MECOM: variants seen among roughly 807,000 people sequenced by gnomAD.
MECOM encodes MDS1 and EVI1 complex locus.
A neutral mutation model predicts 116.3 loss-of-function variants in MECOM; 13 were observed. The ratio of observed to expected loss-of-function variants is 0.11; its 90% CI spans 0.07 to 0.18. MECOM has a LOEUF of 0.18. Ranked by LOEUF, MECOM falls within the 10% of genes least tolerant of loss-of-function variation. The pLI is 1.00. For synonymous variants in MECOM, 528 were observed against 535.2 expected (o/e 0.99, Z 0.19); for missense variants, 1,299 against 1,509.0 (o/e 0.86, Z 2.31).
At chr3:169,477,132 TATATATATATATATATACAC>T (rs1560327069) in intron 1 of MECOM, 1,157 of 96,736 alleles carry the variant, frequency 0.012, 47 homozygotes, top group African/African-American at 0.051. Context: ...TATATATATA[TATATATATATATATATACAC>T]ACACACACAA....
intron 2 of MECOM, among the ~76,000 whole-genome samples, chr3:169,239,374 A>C (rs1373892235): frequency 6.6e-6 from 1 of 152,062 alleles, no homozygotes; most frequent in Non-Finnish European, 1.5e-5. Context: ...AAAATATAAA[A>C]GAAAATTAAA....
rs142161438 is a variant in MECOM at position 169,209,796 on chromosome 3, C to T, written c.376-65964G>A. Among the ~76,000 whole-genome samples, 1,274 of 152,182 alleles carry T rather than the reference C, an allele frequency of 8.4e-3. 24 individuals carry two copies. The highest frequency in any genetic ancestry group is 0.029 in the African/African-American group (1,202 of 41,530). Reference sequence around the variant, plus strand: ...GTAATCATCGTGGAAGACAGTGTGGCGATTCCTCAAGTATCTAGAACCAGA... The same window carrying T: ...GTAATCATCGTGGAAGACAGTGTGGTGATTCCTCAAGTATCTAGAACCAGA... On this transcript the variant is annotated intron_variant, in intron 2 of 16. Transcript: ENST00000651503.
chr3:169,387,397 T>A (rs1043206701), intron 1 of MECOM, among the ~76,000 whole-genome samples: 1 of 152,244 alleles, frequency 6.6e-6, no homozygotes, highest in African/African-American at 2.4e-5. Flanking sequence ...TTTATATAAC[T>A]CACCATTTGT....
At chr3:169,398,585 C>T (rs1735372814) in intron 1 of MECOM, among the ~76,000 whole-genome samples, 1 of 152,130 alleles carries the variant, frequency 6.6e-6, no homozygotes, top group Non-Finnish European at 1.5e-5. Context: ...TCAATGTGCC[C>T]ATCTATTTTG....
intron 1 of MECOM, among the ~76,000 whole-genome samples, chr3:169,649,709 A>G (rs1774644491): frequency 6.6e-6 from 1 of 152,208 alleles, no homozygotes; most frequent in Admixed American, 6.5e-5. Context: ...TTAATAGAGT[A>G]ATGCCCTCAT....
intron 2 of MECOM, among the ~76,000 whole-genome samples, chr3:169,379,340 A>T (rs1732016336): frequency 6.6e-6 from 1 of 152,200 alleles, no homozygotes; most frequent in South Asian, 2.1e-4. Context: ...TGAATTGGCC[A>T]TCAACTGAAT....
At chr3:169,565,376 A>G (rs1271486394) in intron 1 of MECOM, among the ~76,000 whole-genome samples, 1 of 152,186 alleles carries the variant, frequency 6.6e-6, no homozygotes, top group East Asian at 1.9e-4. Context: ...GGGTGAACCA[A>G]GTAACTTCAC....
intron 1 of MECOM, among the ~76,000 whole-genome samples, chr3:169,589,252 C>T (rs1398222697): frequency 6.6e-6 from 1 of 151,944 alleles, no homozygotes. Flanking sequence ...GAGAAGAAGG[C>T]CCCAGGATAT....
chr3:169,163,751 T>C (rs867458562), intron 2 of MECOM, among the ~76,000 whole-genome samples: 4 of 152,178 alleles, frequency 2.6e-5, no homozygotes, highest in Non-Finnish European at 5.9e-5. Flanking sequence ...TCTGTTAAGA[T>C]GCCAAAGATA....
intron 2 of MECOM, among the ~76,000 whole-genome samples, chr3:169,306,411 G>A (rs902750456): frequency 1.3e-5 from 2 of 152,234 alleles, no homozygotes; most frequent in Admixed American, 6.5e-5. Context: ...GCTGGGCTCA[G>A]TGGCTCACTC....
At chr3:169,610,336 G>A (rs1292268552) in intron 1 of MECOM, among the ~76,000 whole-genome samples, 1 of 152,108 alleles carries the variant, frequency 6.6e-6, no homozygotes, top group Non-Finnish European at 1.5e-5. Context: ...GGAAAGGGAA[G>A]AATATGATAA....
At chr3:169,561,338 T>C (rs952851293) in intron 1 of MECOM, among the ~76,000 whole-genome samples, 1 of 152,052 alleles carries the variant, frequency 6.6e-6, no homozygotes, top group East Asian at 1.9e-4. Flanking sequence ...GACATGCATT[T>C]CTAGCAATAG....
At chr3:169,489,000 T>C (rs1752745231) in intron 1 of MECOM, among the ~76,000 whole-genome samples, 1 of 152,022 alleles carries the variant, frequency 6.6e-6, no homozygotes, top group Admixed American at 6.5e-5. Context: ...GGCATCTGAA[T>C]TAATTTTTTA....
At chr3:169,657,682 A>C (rs1281993871) in intron 1 of MECOM, among the ~76,000 whole-genome samples, 2 of 152,208 alleles carry the variant, frequency 1.3e-5, no homozygotes, top group Admixed American at 1.3e-4. Context: ...CAATATCTGA[A>C]CCACACTCAA....
intron 1 of MECOM, among the ~76,000 whole-genome samples, chr3:169,621,835 T>C (rs372183140): frequency 1.3e-4 from 20 of 152,254 alleles, no homozygotes; most frequent in African/African-American, 4.6e-4. Context: ...AATAAATAGG[T>C]GCCCAGAACA....
intron 2 of MECOM, among the ~76,000 whole-genome samples, chr3:169,199,652 T>C (rs1199729032): frequency 6.6e-6 from 1 of 152,042 alleles, no homozygotes; most frequent in African/African-American, 2.4e-5. Context: ...TGAGTTACGT[T>C]ACACATGCAC....
chr3:169,139,845 A>G (rs78307470), intron 3 of MECOM, among the ~76,000 whole-genome samples: 9,827 of 152,056 alleles, frequency 0.065, 433 homozygotes, highest in East Asian at 0.17. Context: ...AGGTGAGAAC[A>G]GGGTGAGACC....
rs115412142 is a variant in MECOM, at chr3:169,185,932, G to A, written c.376-42100C>T. On this transcript the variant is annotated intron_variant, in intron 2 of 16. Transcript: ENST00000651503. The stretch of plus-strand genomic sequence containing the variant: ...TGCTTTCTTTTGTCTTTGGGCTGAT[G>A]ACTATACATCATTTTCTGCTATTAT... 3.7e-3 allele frequency among the ~76,000 whole-genome samples: 560 copies of A among 152,250 alleles called. 2 individuals are homozygous for A. Among genetic ancestry groups the A allele is most frequent in the South Asian group, 7.3e-3 (35 of 4,824 alleles).
intron 2 of MECOM, among the ~76,000 whole-genome samples, chr3:169,193,344 A>G (rs1747967207): frequency 6.6e-6 from 1 of 152,028 alleles, no homozygotes; most frequent in Admixed American, 6.6e-5. Flanking sequence ...GGAAAAAAAT[A>G]GTTCTCAACT....
Sources: allele counts gnomAD v4.1 joint callset (sites outside exome capture counted in the v4.1 genomes callset), GRCh38; gene constraint gnomAD v4.1.1; transcripts MANE v1.5; gene names NCBI Gene and HGNC (gene_info 2026-07-23, HGNC 2026-07-21).